The following FGF13 variants were observed in gnomAD, a reference collection of about 807,000 sequenced individuals.
FGF13 encodes fibroblast growth factor 13.
In FGF13, 2 loss-of-function variants were observed where a neutral mutation model predicts 19.5. The observed-to-expected ratio is 0.10, with a 90% confidence interval of 0.04 to 0.32. The LOEUF is 0.32. Ranked by LOEUF, FGF13 falls within the 10% of genes least tolerant of loss-of-function variation. FGF13 has a pLI of 1.00. For synonymous variants in FGF13, 72 were observed against 76.9 expected, an observed-to-expected ratio of 0.94 and a Z score of 0.33; for missense variants, 113 against 192.7, an observed-to-expected ratio of 0.59 and a Z score of 2.45.
downstream of FGF13, among the ~76,000 whole-genome samples, chrX:138,853,621 G>GTC (rs1491096867): frequency 3.1e-5 from 1 of 32,443 alleles, no homozygotes; most frequent in Non-Finnish European, 6.6e-5. Context: ...GTGCGTGTGC[G>GTC]TGTGTGTGTG....
chrX:138,702,203 T>A (rs990515715), intron 3 of FGF13, among the ~76,000 whole-genome samples: 27 of 111,000 alleles, frequency 2.4e-4, no homozygotes, highest in East Asian at 8.5e-4. Context: ...ATAAATTAAT[T>A]AATTAATTAA....
chrX:139,127,669 G>A (rs1240579401), intron 1 of FGF13, among the ~76,000 whole-genome samples: 1 of 111,681 alleles, frequency 9.0e-6, no homozygotes, highest in East Asian at 2.8e-4. Flanking sequence ...CAGCACTCTT[G>A]GCAGTCACAA....
intron 1 of FGF13, among the ~76,000 whole-genome samples, chrX:138,923,180 T>C (rs1244021593): frequency 8.9e-6 from 1 of 112,002 alleles, no homozygotes; most frequent in Non-Finnish European, 1.9e-5. Context: ...TACCAGCTTA[T>C]TAACATTGTG....
intron 1 of FGF13, among the ~76,000 whole-genome samples, chrX:139,023,294 T>A (rs1259844920): frequency 1.8e-5 from 2 of 111,494 alleles, no homozygotes; most frequent in Non-Finnish European, 3.8e-5. Flanking sequence ...GATCCTGAAA[T>A]AAAAATTTCA....
intron 1 of FGF13, among the ~76,000 whole-genome samples, chrX:138,936,588 C>T (rs2091732067): frequency 8.9e-6 from 1 of 112,117 alleles, no homozygotes; most frequent in Non-Finnish European, 1.9e-5. Context: ...CAGCAGGGAC[C>T]TGATGTCATT....
chrX:138,782,233 C>G (rs1276127452), intron 3 of FGF13, among the ~76,000 whole-genome samples: 1 of 112,455 alleles, frequency 8.9e-6, no homozygotes, highest in African/African-American at 3.2e-5. Flanking sequence ...GAAGCATTCC[C>G]TTTGAAAACT....
chrX:139,079,916 T>TC (rs2083358045), intron 1 of FGF13, among the ~76,000 whole-genome samples: 2 of 110,729 alleles, frequency 1.8e-5, no homozygotes, highest in East Asian at 5.7e-4. Context: ...TGAAGGCACT[T>TC]AGTGAAGTGC....
At chrX:138,644,434 C>T (rs1181047228) in intron 3 of FGF13, among the ~76,000 whole-genome samples, 4 of 110,849 alleles carry the variant, frequency 3.6e-5, no homozygotes, top group Admixed American at 9.6e-5. Flanking sequence ...AGGGCCACCA[C>T]ACCTGGCTAA....
intron 1 of FGF13, among the ~76,000 whole-genome samples, chrX:139,138,509 TATTTTCAC>T (rs1387376817): frequency 9.0e-6 from 1 of 111,637 alleles, no homozygotes; most frequent in Non-Finnish European, 1.9e-5. Context: ...GCCCATCAGT[TATTTTCAC>T]ATGAACAACT....
chrX:138,876,737 C>A (rs1602987742), intron 1 of FGF13, among the ~76,000 whole-genome samples: 1 of 112,125 alleles, frequency 8.9e-6, no homozygotes, highest in Non-Finnish European at 1.9e-5. Flanking sequence ...AGAGAGTTTA[C>A]TAGCCCCAAA....
chrX:138,752,043 A>G, intron 3 of FGF13, among the ~76,000 whole-genome samples: 1 of 111,828 alleles, frequency 8.9e-6, no homozygotes, highest in Non-Finnish European at 1.9e-5. Context: ...AATTCAACAA[A>G]TGTTATTAAT....
intron 3 of FGF13, among the ~76,000 whole-genome samples, chrX:138,793,616 G>A (rs958378065): frequency 4.5e-5 from 5 of 111,975 alleles, no homozygotes; most frequent in Non-Finnish European, 9.4e-5. Flanking sequence ...CGTACAACAT[G>A]TATTAACCTA....
intron 3 of FGF13, among the ~76,000 whole-genome samples, chrX:138,660,837 G>A (rs781203432): frequency 2.7e-5 from 3 of 111,497 alleles, no homozygotes; most frequent in East Asian, 5.6e-4. Flanking sequence ...TATGTAAGAT[G>A]TACTTCATTT....
chrX:138,863,554 T>C (rs938471392), intron 2 of FGF13, among the ~76,000 whole-genome samples: 4 of 112,409 alleles, frequency 3.6e-5, no homozygotes, highest in African/African-American at 1.3e-4. Context: ...TCTCAGTCTC[T>C]TTTGCAATCA....
intron 1 of FGF13, among the ~76,000 whole-genome samples, chrX:138,884,894 C>T (rs747396239): frequency 8.9e-6 from 1 of 111,751 alleles, no homozygotes; most frequent in Non-Finnish European, 1.9e-5. Flanking sequence ...AAATGCTCCC[C>T]TTTACTGAGT....
chrX:138,671,958 T>C (rs1251688343), intron 3 of FGF13, among the ~76,000 whole-genome samples: 1 of 105,454 alleles, frequency 9.5e-6, no homozygotes, highest in Admixed American at 1.0e-4. Flanking sequence ...AGTGAGGGAG[T>C]GAGCAATGGG....
At chrX:139,185,559 A>G (rs762777298) in intron 1 of FGF13, among the ~76,000 whole-genome samples, 3 of 111,566 alleles carry the variant, frequency 2.7e-5, no homozygotes, top group African/African-American at 9.8e-5. Context: ...GGGAAGGTCC[A>G]TAACAGCCGG....
At chrX:139,096,678 AAAC>A in intron 1 of FGF13, among the ~76,000 whole-genome samples, 1 of 112,214 alleles carries the variant, frequency 8.9e-6, no homozygotes, top group Middle Eastern at 4.6e-3. Flanking sequence ...AGGCACAAAT[AAAC>A]AATATTGAGA....
chrX:139,144,525 G>T (rs1468543429), intron 1 of FGF13, among the ~76,000 whole-genome samples: 1 of 105,257 alleles, frequency 9.5e-6, no homozygotes, highest in African/African-American at 3.8e-5. Flanking sequence ...GCCTTGCCTG[G>T]ACTCCTGCAA....
Sources: allele counts gnomAD v4.1 joint callset (sites outside exome capture counted in the v4.1 genomes callset), GRCh38; gene constraint gnomAD v4.1.1; transcripts MANE v1.5; gene names NCBI Gene and HGNC (gene_info 2026-07-23, HGNC 2026-07-21).